Variants in PRDM1 observed in about 807,000 individuals in gnomAD.
PRDM1 encodes the protein PR/SET domain 1.
In PRDM1, 13 loss-of-function variants were observed where a neutral mutation model predicts 62.8. The ratio of observed to expected loss-of-function variants is 0.21; its 90% confidence interval spans 0.13 to 0.33. The LOEUF is 0.33. Ranked by LOEUF, PRDM1 falls within the 10% of genes least tolerant of loss-of-function variation. The probability of loss-of-function intolerance (pLI) is 1.00; values close to 1 mark genes in which losing one functional copy is unlikely to be tolerated. For missense variants in PRDM1, 895 were observed against 1,058.8 expected, an observed-to-expected ratio of 0.85 and a Z score of 2.15; for synonymous variants, 396 against 417.6, an observed-to-expected ratio of 0.95 and a Z score of 0.63.
intron 1 of PRDM1, among the ~76,000 whole-genome samples, chr6:106,027,002 C>A (rs1772774766): frequency 6.6e-6 from 1 of 152,228 alleles, no homozygotes; most frequent in African/African-American, 2.4e-5. Context: ...CCGCAACTTG[C>A]ATCAGTTCCC....
At chr6:106,103,651 T>G (rs1445070730) in intron 4 of PRDM1, among the ~76,000 whole-genome samples, 2 of 152,204 alleles carry the variant, frequency 1.3e-5, no homozygotes, top group African/African-American at 4.8e-5. Context: ...AGGCATCATT[T>G]ATTGTGTAGC....
At position 106,109,797 on chromosome 6, in the gene PRDM1, A is replaced by G. The variant is rs1013305385; in HGVS notation, c.*2311A>G. 1 of 232,982 alleles carries G rather than the reference A, an allele frequency of 4.3e-6. No homozygotes were observed. The highest frequency in any genetic ancestry group is 2.2e-5 in the African/African-American group (1 of 45,300). The allele number at this position is 232,982 out of a possible 1,614,324, so 14.4% of individuals were successfully genotyped here. The stretch of plus-strand genomic sequence containing the variant: ...GTGGTTTTATTTTTTCCTCTACTCA[A>G]AGTTAAAACTGACCAAAGTTACTGG... On this transcript the variant is annotated 3_prime_UTR_variant, in exon 7 of 7. Transcript: ENST00000369096.
At position 106,108,471 on chromosome 6, in the gene PRDM1, G is replaced by A. The variant is rs572609801; in HGVS notation, c.*985G>A. The A allele has an allele frequency of 1.6e-4, 37 of 230,270 alleles. No homozygotes were observed. Among genetic ancestry groups the A allele is most frequent in the African/African-American group, 8.2e-4 (36 of 44,166 alleles). 14.3% of individuals were successfully genotyped at this position (230,270 alleles called of 1,614,324 possible). On this transcript the variant is annotated 3_prime_UTR_variant, in exon 7 of 7. Coordinates refer to ENST00000369096, the MANE Select transcript of PRDM1 (RefSeq NM_001198.4). The stretch of plus-strand genomic sequence containing the variant: ...AAAGCATAGGTGGCTTTGTGTGTGT[G>A]CGATTTGGGGGCTTGAGTCTGGGTG...
chr6:106,092,263 G>A (rs563153354), intron 2 of PRDM1, among the ~76,000 whole-genome samples: 21 of 152,212 alleles, frequency 1.4e-4, no homozygotes, highest in East Asian at 1.4e-3. Context: ...TGTTTTGTCC[G>A]GAAGCTGTGG....
At chr6:106,017,708 C>T (rs1265673590) in intron 1 of PRDM1, among the ~76,000 whole-genome samples, 1 of 152,070 alleles carries the variant, frequency 6.6e-6, no homozygotes, top group East Asian at 1.9e-4. Context: ...GACCAGCTGC[C>T]CAGTTTTTTT....
intron 1 of PRDM1, among the ~76,000 whole-genome samples, chr6:106,013,543 G>A (rs1209328348): frequency 1.3e-5 from 2 of 151,834 alleles, no homozygotes; most frequent in Non-Finnish European, 2.9e-5. Flanking sequence ...GGCCAGGCTT[G>A]TCTCAAACTC....
chr6:106,093,907 T>C (rs910183388), intron 2 of PRDM1, among the ~76,000 whole-genome samples: 1 of 152,212 alleles, frequency 6.6e-6, no homozygotes, highest in Non-Finnish European at 1.5e-5. Context: ...AAATTTTCTT[T>C]TTTTCTCTTT....
At chr6:106,004,204 G>A (rs545669676) in intron 1 of PRDM1, among the ~76,000 whole-genome samples, 31 of 152,086 alleles carry the variant, frequency 2.0e-4, no homozygotes, top group Non-Finnish European at 3.7e-4. Flanking sequence ...TTTTTGATAG[G>A]CATCTAGATA....
chr6:106,019,462 C>G (rs1385737374), intron 1 of PRDM1, among the ~76,000 whole-genome samples: 2 of 150,438 alleles, frequency 1.3e-5, no homozygotes, highest in African/African-American at 4.9e-5. Context: ...AAAAATAGAA[C>G]TGAAAATTTG....
intron 1 of PRDM1, among the ~76,000 whole-genome samples, chr6:106,000,973 G>T (rs1772417802): frequency 6.6e-6 from 1 of 152,138 alleles, no homozygotes; most frequent in East Asian, 1.9e-4. Flanking sequence ...TTTCAGAGTG[G>T]TTGCATTAAT....
chr6:106,023,130 C>T lies in PRDM1; in HGVS notation c.-67+29491C>T, dbSNP rs138461621. 1.4e-4 allele frequency among the ~76,000 whole-genome samples: 22 copies of T among 152,314 alleles called. No homozygotes were observed. In the East Asian group the frequency reaches 2.5e-3, roughly 17 times the overall value. The stretch of plus-strand genomic sequence containing the variant: ...TTTGAAATCTGGTAATTCATTAGCA[C>T]TGTCTTGATGTAAAAGTAAATTTGG... On this transcript the variant is annotated intron_variant, in intron 1 of 6. Transcript: ENST00000652320.
At chr6:106,089,454 G>A (rs1773903257) in intron 2 of PRDM1, among the ~76,000 whole-genome samples, 1 of 152,152 alleles carries the variant, frequency 6.6e-6, no homozygotes. Context: ...CTTCCCTAAG[G>A]AACAGTATTT....
At chr6:106,024,956 G>A (rs187920970) in intron 1 of PRDM1, among the ~76,000 whole-genome samples, 1 of 152,226 alleles carries the variant, frequency 6.6e-6, no homozygotes, top group Non-Finnish European at 1.5e-5. Flanking sequence ...TGGCACTTGT[G>A]AATGCCAAAT....
chr6:106,056,133 A>C (rs1773262329), intron 1 of PRDM1, among the ~76,000 whole-genome samples: 1 of 152,228 alleles, frequency 6.6e-6, no homozygotes, highest in South Asian at 2.1e-4. Flanking sequence ...ATGAAGCTAC[A>C]AAGCAGTTTT....
At chr6:106,088,476 G>T in intron 2 of PRDM1, 27 bp downstream of exon 2, 1 of 1,613,284 alleles carries the variant, frequency 6.2e-7, no homozygotes, top group Non-Finnish European at 8.5e-7. Flanking sequence ...TTGACAAGAA[G>T]ATTGGGGACC....
At chr6:106,099,123 T>C in intron 3 of PRDM1, 177 bp from the exon 4 acceptor site, 4 of 1,612,672 alleles carry the variant, frequency 2.5e-6, no homozygotes, top group Non-Finnish European at 3.4e-6. Flanking sequence ...CCTTACCTGT[T>C]TCCGCCCTGA....
Position 105,999,862 on chromosome 6 carries a change from C to CT in PRDM1, c.-67+6232dup, listed in dbSNP as rs552328405. 2.6e-3 allele frequency among the ~76,000 whole-genome samples: 389 copies of CT among 151,486 alleles called. 5 individuals are homozygous for CT. Among genetic ancestry groups the CT allele is most frequent in the African/African-American group, 5.6e-3 (232 of 41,364 alleles). The stretch of plus-strand genomic sequence containing the variant: ...GTGACCTTCCTTTATCTATGTGTTT[C>CT]TTTTTTTTTGAGACGGAGTCTTGCT... On this transcript the variant is annotated intron_variant, in intron 1 of 6. Transcript: ENST00000652320.
rs1057200071 is a variant in PRDM1 at position 106,086,338 on chromosome 6, CACAG to C, written c.-212_-209del. On this transcript the variant is annotated 5_prime_UTR_variant, in exon 1 of 7. Transcript: ENST00000369096. ...CAGGGAGGGGAAGCCAGACGGTTAA[CACAG>C]ACAAAGTGCTGCCGTGACACTCGGC... 2.8e-5 allele frequency: 14 copies of C among 491,856 alleles called. No individual in the cohort carries two copies. Among genetic ancestry groups the C allele is most frequent in the Middle Eastern group, 1.1e-3 (2 of 1,890 alleles). The allele number at this position is 491,856 out of a possible 1,614,324, so 30.5% of individuals were successfully genotyped here. A position where few individuals can be genotyped will look rare whatever the true frequency, so the allele number is the denominator to read the frequency against.
At chr6:106,009,333 A>G (rs1162536106) in intron 1 of PRDM1, among the ~76,000 whole-genome samples, 1 of 152,206 alleles carries the variant, frequency 6.6e-6, no homozygotes. Flanking sequence ...TGGATTTTTT[A>G]GGATGACTTT....
Sources: allele counts gnomAD v4.1 joint callset (sites outside exome capture counted in the v4.1 genomes callset), GRCh38; gene constraint gnomAD v4.1.1; transcripts MANE v1.5; gene names NCBI Gene and HGNC (gene_info 2026-07-23, HGNC 2026-07-21).